Variants in MAP4 observed in about 807,000 individuals in gnomAD.
MAP4 encodes the protein microtubule-associated protein 4.
Under a neutral mutation model 170.2 loss-of-function variants are expected in MAP4, and 76 were observed. The observed-to-expected ratio is 0.45, with a 90% CI of 0.37 to 0.54. The LOEUF is 0.54. MAP4 is among the 20% of genes least tolerant of loss of function. The pLI is 0.00. For missense variants in MAP4, 2,506 were observed against 2,748.0 expected (o/e 0.91, Z 1.97); for synonymous variants, 909 against 994.5 (o/e 0.91, Z 1.62).
At chr3:48,037,690 C>G (rs2100119435) in intron 1 of MAP4, among the ~76,000 whole-genome samples, 1 of 151,952 alleles carries the variant, frequency 6.6e-6, no homozygotes, top group Non-Finnish European at 1.5e-5. Flanking sequence ...CCACAGCACC[C>G]AGCTTCAATA....
At chr3:48,007,938 T>C (rs2100103286) in intron 1 of MAP4, among the ~76,000 whole-genome samples, 1 of 152,178 alleles carries the variant, frequency 6.6e-6, no homozygotes, top group South Asian at 2.1e-4. Context: ...CCCAAAGTGC[T>C]GATTACAGCT....
intron 17 of MAP4, among the ~76,000 whole-genome samples, chr3:47,864,621 G>A (rs908214592): frequency 1.7e-4 from 26 of 152,310 alleles, no homozygotes; most frequent in African/African-American, 6.3e-4. Context: ...AGCTTGCAGT[G>A]AGCCGAGATC....
At chr3:47,956,574 C>T (rs925864618) in intron 3 of MAP4, among the ~76,000 whole-genome samples, 1 of 152,112 alleles carries the variant, frequency 6.6e-6, no homozygotes, top group African/African-American at 2.4e-5. Context: ...ATTTTGTTGG[C>T]TAGTTAGGAA....
chr3:48,053,105 T>C (rs2100128784), intron 1 of MAP4, among the ~76,000 whole-genome samples: 1 of 152,228 alleles, frequency 6.6e-6, no homozygotes, highest in Non-Finnish European at 1.5e-5. Context: ...TGAGTTATAC[T>C]GCAGCTACTC....
At position 48,040,711 on chromosome 3, in the gene MAP4, G is replaced by A. The variant is rs561561287; in HGVS notation, c.-19-41832C>T. On this transcript the variant is annotated intron_variant, in intron 1 of 18. Coordinates refer to the MAP4 transcript ENST00000360240. Reference sequence around the variant, plus strand: ...CCTGAGTAGCTGGGACTATAGGCATGCGCCACCACACCCAGCTAATTTTTG... The same window carrying A: ...CCTGAGTAGCTGGGACTATAGGCATACGCCACCACACCCAGCTAATTTTTG... Among the ~76,000 whole-genome samples, 23 of 152,024 alleles carry A rather than the reference G, an allele frequency of 1.5e-4. No individual in the cohort carries two copies. In the East Asian group the frequency reaches 4.3e-3, roughly 28 times the overall value.
chr3:47,857,387 C>A (rs371880655), intron 18 of MAP4, 44 bp downstream of exon 18: 37 of 1,535,420 alleles, frequency 2.4e-5, no homozygotes, highest in Non-Finnish European at 3.2e-5. Context: ...CATGGCAGGA[C>A]GACATACCCT....
chr3:47,858,617 GCGT>G (rs2060476993), intron 17 of MAP4, among the ~76,000 whole-genome samples: 1 of 133,268 alleles, frequency 7.5e-6, no homozygotes, highest in African/African-American at 3.3e-5. Context: ...GTGTGTGTGC[GCGT>G]TGTGTGTGTG....
chr3:48,054,501 G>C (rs2100129586), intron 1 of MAP4, among the ~76,000 whole-genome samples: 1 of 151,308 alleles, frequency 6.6e-6, no homozygotes, highest in South Asian at 2.1e-4. Context: ...GTGGTGGCGG[G>C]CGCCTGTAAT....
intron 1 of MAP4, among the ~76,000 whole-genome samples, chr3:48,028,296 G>T (rs186743207): frequency 3.3e-5 from 5 of 152,016 alleles, no homozygotes; most frequent in Admixed American, 2.0e-4. Context: ...CATCTCTGGG[G>T]GGGGAGGGAA....
intron 19 of MAP4, among the ~76,000 whole-genome samples, chr3:47,853,620 CCTCT>C (rs1461738354): frequency 4.0e-5 from 6 of 151,868 alleles, no homozygotes; most frequent in South Asian, 2.1e-4. Flanking sequence ...TCTGATGAAG[CCTCT>C]CTGAGGGCAG....
intron 1 of MAP4, among the ~76,000 whole-genome samples, chr3:48,012,861 T>C (rs2100105986): frequency 6.6e-6 from 1 of 152,144 alleles, no homozygotes; most frequent in African/African-American, 2.4e-5. Context: ...TATTCTTTAC[T>C]TGTCACCACA....
chr3:48,056,848 G>T (rs796462349), intron 1 of MAP4, among the ~76,000 whole-genome samples: 8 of 118,160 alleles, frequency 6.8e-5, no homozygotes, highest in Admixed American at 7.7e-5. Context: ...GGTGGGGGGG[G>T]GGTCAGCCCC....
chr3:47,871,229 G>C lies in MAP4; in HGVS notation c.5999C>G (p.Pro2000Arg). The change falls in exon 14 of 21, where the codon CCA (proline) becomes CGA (arginine). Residue 2000 changes from proline to arginine, a missense_variant and splice_region_variant. Around this residue, in one of 3 missense-constraint regions of MAP4, gnomAD observed 487 missense variants for 511.6 expected, o/e 0.95. Coordinates refer to ENST00000683076, the MANE Select transcript of MAP4 (RefSeq NM_001385682.1). The stretch of plus-strand genomic sequence containing the variant: ...CAAAATGGCGGATGGGCTATTACCT[G>C]GTACAGACTTTGCAGTCATCTTCTT... ...EVKKMTAKSV[P>R]ADLSRPKSTS... The C allele has an allele frequency of 6.2e-7, 1 of 1,614,138 alleles. No homozygotes were observed. The highest frequency in any genetic ancestry group is 8.5e-7 in the Non-Finnish European group (1 of 1,179,982).
intron 3 of MAP4, among the ~76,000 whole-genome samples, chr3:47,964,103 C>T (rs1176955519): frequency 1.3e-5 from 2 of 152,138 alleles, no homozygotes; most frequent in African/African-American, 4.8e-5. Context: ...ATGACAACGA[C>T]ATCATAGGGC....
chr3:47,916,133 G>A lies in MAP4; in HGVS notation c.1694C>T (p.Thr565Ile), dbSNP rs1244836514. ...EAPLAKDGVL[T>I]LANNVTPAKD... ...GGCTGGAGTCACATTGTTGGCCAGG[G>A]TCAGAACCCCATCCTTAGCCAGGGG... is the stretch of plus-strand genomic sequence containing the variant. Residue 565 changes from threonine (T) to isoleucine (I), a missense_variant, in exon 7 of 21, where the codon ACC (threonine) becomes ATC (isoleucine). Physicochemically the swap from Thr to Ile is moderately conservative, Grantham distance 89. Around this residue, in one of 3 missense-constraint regions of MAP4, gnomAD observed 2,008 missense variants for 2,206.0 expected, o/e 0.91. Coordinates refer to ENST00000683076, the MANE Select transcript of MAP4 (RefSeq NM_001385682.1). 9.9e-6 allele frequency: 16 copies of A among 1,614,094 alleles called. No individual in the cohort carries two copies. The highest frequency in any genetic ancestry group is 1.3e-5 in the Non-Finnish European group (15 of 1,180,052).
upstream of MAP4, among the ~76,000 whole-genome samples, chr3:48,018,143 G>A (rs372130917): frequency 1.4e-4 from 22 of 152,294 alleles, no homozygotes; most frequent in African/African-American, 5.3e-4. Flanking sequence ...ACCTCCTGCC[G>A]TGCAGCCCAG....
chr3:48,066,822 CTTTTTTTTTTTTTTTTT>C (rs55939839), intron 1 of MAP4, among the ~76,000 whole-genome samples: 22 of 65,834 alleles, frequency 3.3e-4, no homozygotes, highest in South Asian at 1.4e-3. Flanking sequence ...TCTCTAATTC[CTTTTTTTTTTTTTTTTT>C]TTTTTTTTTT....
intron 9 of MAP4, among the ~76,000 whole-genome samples, chr3:47,904,654 G>C (rs1489943110): frequency 1.4e-5 from 2 of 141,890 alleles, no homozygotes; most frequent in Non-Finnish European, 3.1e-5. Flanking sequence ...TTTTTTGGGC[G>C]GGGGGGCTAG....
rs984305083 is a variant in MAP4, at chr3:47,851,251, C to A, written c.*1683G>T. On this transcript the variant is annotated 3_prime_UTR_variant, in exon 21 of 21. Coordinates refer to ENST00000683076, the MANE Select transcript of MAP4 (RefSeq NM_001385682.1). ...CAGGCAGCACTTCCTCCGTGAGCCC[C>A]TGCAGTTTCCTGGTGTGTGCTTGGG... 1 of 152,320 alleles carries A rather than the reference C, an allele frequency of 6.6e-6. No homozygotes were observed. The highest frequency in any genetic ancestry group is 1.5e-5 in the Non-Finnish European group (1 of 68,082). 9.4% of individuals were successfully genotyped at this position (152,320 alleles called of 1,614,324 possible).
Sources: gnomAD v4.1 joint callset for allele counts (sites outside exome capture counted in the v4.1 genomes callset) on GRCh38, gnomAD v4.1.1 for gene constraint, gnomAD v4.1.1 regional missense constraint, MANE v1.5 for transcripts, NCBI Gene and HGNC (gene_info 2026-07-23, HGNC 2026-07-21) for gene names.